Variants in SLC39A10 observed in about 807,000 individuals in gnomAD.
SLC39A10 encodes the protein solute carrier family 39 member 10.
Under a neutral mutation model 65.1 loss-of-function variants are expected in SLC39A10, and 13 were observed. That is an observed-to-expected ratio of 0.20 (90% CI 0.13 to 0.32). SLC39A10 has a LOEUF of 0.32. Ranked by LOEUF, SLC39A10 falls within the 10% of genes least tolerant of loss-of-function variation. The pLI is 1.00. For missense variants in SLC39A10, 831 were observed against 1,018.4 expected (o/e 0.82, Z 2.50); for synonymous variants, 321 against 342.2 (o/e 0.94, Z 0.68).
intron 2 of SLC39A10, among the ~76,000 whole-genome samples, chr2:195,626,024 T>C (rs1254114478): frequency 6.6e-6 from 1 of 152,222 alleles, no homozygotes; most frequent in African/African-American, 2.4e-5. Context: ...GCTTAAATGA[T>C]CTGCCCTCCT....
At chr2:195,706,884 G>T in intron 4 of SLC39A10, 99 bp downstream of exon 4, 1 of 804,944 alleles carries the variant, frequency 1.2e-6, no homozygotes, top group Non-Finnish European at 1.7e-6. Flanking sequence ...TCTAGTATTT[G>T]TATTGTTTTA....
chr2:195,662,463 CAA>C (rs150757241), intron 1 of SLC39A10, among the ~76,000 whole-genome samples: 28 of 129,542 alleles, frequency 2.2e-4, no homozygotes, highest in African/African-American at 7.5e-4. Context: ...ATTGTAGAGA[CAA>C]GAGTTTCACC....
chr2:195,710,608 T>C (rs1209001142), intron 5 of SLC39A10, among the ~76,000 whole-genome samples: 1 of 152,240 alleles, frequency 6.6e-6, no homozygotes, highest in Admixed American at 6.5e-5. Flanking sequence ...CCAGTAGTTA[T>C]CTAAATCATG....
rs1356479853 is a variant in SLC39A10, at chr2:195,735,045, T to C, written c.*4T>C. On this transcript the variant is annotated 3_prime_UTR_variant, in exon 10 of 10. Transcript: ENST00000359634. ...TGTGTTTGACATCCAGTTTTGACCT[T>C]TCCCAGTAATCACTGTTGATTACGA... is the stretch of plus-strand genomic sequence containing the variant. 4.4e-6 allele frequency: 7 copies of C among 1,608,906 alleles called. No homozygotes were observed. The highest frequency in any genetic ancestry group is 1.3e-5 in the African/African-American group (1 of 74,624).
chr2:195,623,420 T>C (rs1688391716), intron 2 of SLC39A10, among the ~76,000 whole-genome samples: 1 of 152,220 alleles, frequency 6.6e-6, no homozygotes, highest in Non-Finnish European at 1.5e-5. Flanking sequence ...GTATAATTTA[T>C]TGTAAATAAA....
chr2:195,691,670 A>C (rs1018672890), intron 3 of SLC39A10, among the ~76,000 whole-genome samples: 1 of 151,950 alleles, frequency 6.6e-6, no homozygotes, highest in African/African-American at 2.4e-5. Flanking sequence ...TCTTCTTTTG[A>C]GAGTTGTCTA....
chr2:195,656,936 T>TA (rs1689164190), upstream of SLC39A10: 6 of 152,218 alleles, frequency 3.9e-5, no homozygotes, highest in South Asian at 1.0e-3. Flanking sequence ...GGAACAAAAC[T>TA]AGCGCGGAGC....
intron 3 of SLC39A10, among the ~76,000 whole-genome samples, chr2:195,697,330 T>G (rs538926963): frequency 5.7e-4 from 87 of 152,320 alleles, no homozygotes; most frequent in African/African-American, 2.0e-3. Flanking sequence ...AGATACCAAG[T>G]GATGACTGTA....
At chr2:195,652,472 C>G (rs1309809724), upstream of SLC39A10, among the ~76,000 whole-genome samples, 2 of 150,494 alleles carry the variant, frequency 1.3e-5, no homozygotes, top group Non-Finnish European at 2.9e-5. Context: ...TCGCCTGAGC[C>G]TGGGAGGCAG....
chr2:195,658,567 G>T (rs532320804), intron 1 of SLC39A10: 14 of 152,268 alleles, frequency 9.2e-5, no homozygotes, highest in Non-Finnish European at 1.9e-4. Context: ...TATCTAAATT[G>T]TACATAATTA....
intron 4 of SLC39A10, 78 bp from the exon 5 acceptor site, chr2:195,708,578 T>C: frequency 9.2e-7 from 1 of 1,092,194 alleles, no homozygotes; most frequent in Non-Finnish European, 1.3e-6. Flanking sequence ...ATTTAGGAGA[T>C]TATAATTATT....
intron 6 of SLC39A10, among the ~76,000 whole-genome samples, chr2:195,716,376 G>T (rs747417321): frequency 6.6e-6 from 1 of 151,956 alleles, no homozygotes; most frequent in African/African-American, 2.4e-5. Context: ...GACCTCATCC[G>T]GAGCATCTTT....
At chr2:195,614,261 T>C (rs534742820) in intron 2 of SLC39A10, among the ~76,000 whole-genome samples, 2 of 152,268 alleles carry the variant, frequency 1.3e-5, no homozygotes, top group Non-Finnish European at 2.9e-5. Flanking sequence ...TCAACTGTTT[T>C]ACTTTGCACC....
chr2:195,638,113 C>A (rs1425407649), intron 2 of SLC39A10, among the ~76,000 whole-genome samples: 1 of 152,030 alleles, frequency 6.6e-6, no homozygotes, highest in Non-Finnish European at 1.5e-5. Context: ...TAAAATTTGC[C>A]AAGTAAGAGG....
intron 3 of SLC39A10, among the ~76,000 whole-genome samples, chr2:195,701,321 T>C (rs913921717): frequency 2.1e-5 from 3 of 145,310 alleles, no homozygotes; most frequent in East Asian, 2.0e-4. Context: ...ATTTTGTTTA[T>C]ACATTATCTT....
At chr2:195,686,324 A>G (rs1690522273) in intron 3 of SLC39A10, among the ~76,000 whole-genome samples, 1 of 152,228 alleles carries the variant, frequency 6.6e-6, no homozygotes, top group African/African-American at 2.4e-5. Flanking sequence ...TCTGGTTAAT[A>G]TCTTTGCAAT....
intron 2 of SLC39A10, 110 bp from the exon 3 acceptor site, chr2:195,683,589 C>A: frequency 1.3e-6 from 1 of 791,568 alleles, no homozygotes; most frequent in Non-Finnish European, 2.0e-6. Flanking sequence ...CTATGTATTA[C>A]AGATTATTTG....
intron 8 of SLC39A10, among the ~76,000 whole-genome samples, chr2:195,722,096 C>T (rs887759390): frequency 6.6e-5 from 10 of 152,114 alleles, no homozygotes; most frequent in African/African-American, 1.7e-4. Flanking sequence ...AAAACTGGAG[C>T]GGAGAACTCT....
At chr2:195,699,123 C>T (rs1691084831) in intron 3 of SLC39A10, among the ~76,000 whole-genome samples, 1 of 151,772 alleles carries the variant, frequency 6.6e-6, no homozygotes, top group Admixed American at 6.6e-5. Flanking sequence ...CTTTTTATTT[C>T]TTTGTAATCA....
Sources: allele counts gnomAD v4.1 joint callset (sites outside exome capture counted in the v4.1 genomes callset), GRCh38; gene constraint gnomAD v4.1.1; transcripts MANE v1.5; gene names NCBI Gene and HGNC (gene_info 2026-07-23, HGNC 2026-07-21).